Variants in DNAH11 observed in about 807,000 individuals in gnomAD.
DNAH11 encodes dynein axonemal heavy chain 11, also known as axonemal beta dynein heavy chain 11.
A neutral mutation model predicts 526.0 loss-of-function variants in DNAH11; 442 were observed. That is an observed-to-expected ratio of 0.84 (90% CI 0.78 to 0.91). The LOEUF is 0.91. Ranked by LOEUF, DNAH11 falls within the 40% of genes least tolerant of loss-of-function variation. DNAH11 has a pLI of 0.00. For missense variants in DNAH11, 6,989 were observed against 5,448.7 expected (o/e 1.28, Z -8.90); for synonymous variants, 2,461 against 1,935.9 (o/e 1.27, Z -7.12).
At chr7:21,760,240 C>T (rs1786840087) in intron 54 of DNAH11, among the ~76,000 whole-genome samples, 1 of 152,110 alleles carries the variant, frequency 6.6e-6, no homozygotes, top group African/African-American at 2.4e-5. Flanking sequence ...AGGTATGCTT[C>T]CAAGAAAGGA....
At chr7:21,749,648 C>T in intron 52 of DNAH11, 30 bp from the exon 53 acceptor site, 1 of 1,611,964 alleles carries the variant, frequency 6.2e-7, no homozygotes, top group South Asian at 1.1e-5. Context: ...AGCATTTTAA[C>T]AAAACATGAG....
chr7:21,722,803 C>T (rs933922863), intron 44 of DNAH11, among the ~76,000 whole-genome samples: 6 of 152,054 alleles, frequency 3.9e-5, no homozygotes, highest in African/African-American at 1.5e-4. Flanking sequence ...AGGCAACCCT[C>T]CTTCTCCACC....
intron 22 of DNAH11, among the ~76,000 whole-genome samples, chr7:21,617,298 C>G (rs1785824025): frequency 6.6e-6 from 1 of 152,150 alleles, no homozygotes; most frequent in Non-Finnish European, 1.5e-5. Context: ...TTTCCATTTA[C>G]TTATGTTTAT....
At chr7:21,690,024 T>C (rs1424171471) in intron 34 of DNAH11, among the ~76,000 whole-genome samples, 1 of 152,254 alleles carries the variant, frequency 6.6e-6, no homozygotes, top group Non-Finnish European at 1.5e-5. Context: ...CTCCAGTGCC[T>C]TTAAGTGACA....
chr7:21,635,972 C>A lies in DNAH11; in HGVS notation c.4602C>A (p.Phe1534Leu). The A allele has an allele frequency of 6.2e-7, 1 of 1,613,632 alleles. No individual in the cohort carries two copies. Among genetic ancestry groups the A allele is most frequent in the Non-Finnish European group, 8.5e-7 (1 of 1,179,732 alleles). ...TAAACATAGCAGACTTGGTCATCTTCACTTGGATGGAAGTCCAGCGAACTT... is the reference window on the plus strand; with the variant it reads ...TAAACATAGCAGACTTGGTCATCTTAACTTGGATGGAAGTCCAGCGAACTT... ...NKLNIADLVI[F>L]TWMEVQRTWS... Residue 1534 changes from phenylalanine (F) to leucine (L), a missense_variant, in exon 26 of 82, where the codon TTC becomes TTA. Transcript: ENST00000409508.
At chr7:21,623,690 T>A (rs1249312586) in intron 25 of DNAH11, among the ~76,000 whole-genome samples, 1 of 151,966 alleles carries the variant, frequency 6.6e-6, no homozygotes, top group East Asian at 1.9e-4. Context: ...TTGGAAATCA[T>A]CATTCTCAGT....
intron 2 of DNAH11, among the ~76,000 whole-genome samples, chr7:21,557,700 C>T (rs1783275149): frequency 6.6e-6 from 1 of 152,190 alleles, no homozygotes; most frequent in Non-Finnish European, 1.5e-5. Context: ...GTTCTTTCAT[C>T]TTAAAGATTC....
At chr7:21,568,385 A>G (rs1226821924) in intron 6 of DNAH11, among the ~76,000 whole-genome samples, 1 of 152,136 alleles carries the variant, frequency 6.6e-6, no homozygotes, top group African/African-American at 2.4e-5. Flanking sequence ...GGGATTTTGA[A>G]GTTCACCTAA....
chr7:21,783,111 C>A lies in DNAH11; in HGVS notation c.9484-1316C>A, dbSNP rs552598486. On this transcript the variant is annotated intron_variant, in intron 57 of 81. Transcript: ENST00000409508. ...AACCTGAGATGATAACTCCTTCACT[C>A]ACATAAACTCTTTTATCTGTAGCAG... 2.7e-4 allele frequency among the ~76,000 whole-genome samples: 41 copies of A among 152,220 alleles called. 1 individual carries two copies. In the South Asian group the frequency reaches 3.5e-3, roughly 13 times the overall value.
Position 21,601,612 on chromosome 7 carries a change from G to C in DNAH11, c.3642G>C (p.Gln1214His). Residue 1214 changes from glutamine to histidine, a missense_variant, in exon 18 of 82, where the codon CAG (glutamine) becomes CAC (histidine). Gln to His is a conservative substitution (Grantham distance 24). Coordinates refer to ENST00000409508, the MANE Select transcript of DNAH11 (RefSeq NM_001277115.2). ...GQKMPEQVYIQLEELPERWET... is the reference protein window; with the variant it reads ...GQKMPEQVYIHLEELPERWET... The stretch of plus-strand genomic sequence containing the variant: ...AGATGCCTGAGCAGGTCTATATTCA[G>C]CTAGAGGTAAGTGCAGAGGTGAAAT... 6.4e-7 allele frequency: 1 copy of C among 1,572,384 alleles called. No homozygotes were observed. The highest frequency in any genetic ancestry group is 1.8e-5 in the Admixed American group (1 of 54,812).
rs191586885 is a variant in DNAH11 at position 21,662,480 on chromosome 7, T to C, written c.5328+3449T>C. On this transcript the variant is annotated intron_variant, in intron 30 of 81. Coordinates refer to ENST00000409508, the MANE Select transcript of DNAH11 (RefSeq NM_001277115.2). Reference sequence around the variant, plus strand: ...CCCTAAATATTCCATTATTTAAAATTTTAAATTTTAATTGAAAGGTAAATA... The same window carrying C: ...CCCTAAATATTCCATTATTTAAAATCTTAAATTTTAATTGAAAGGTAAATA... 5.3e-3 allele frequency among the ~76,000 whole-genome samples: 805 copies of C among 152,224 alleles called. 2 individuals carry two copies. Among genetic ancestry groups the C allele is most frequent in the Non-Finnish European group, 9.5e-3 (649 of 67,998 alleles).
intron 28 of DNAH11, among the ~76,000 whole-genome samples, chr7:21,653,979 A>G (rs1781897859): frequency 6.6e-6 from 1 of 152,148 alleles, no homozygotes; most frequent in Non-Finnish European, 1.5e-5. Flanking sequence ...GTCCAGTTAA[A>G]CTGCACTTCC....
chr7:21,657,699 G>C (rs1317494581), intron 29 of DNAH11, among the ~76,000 whole-genome samples: 1 of 152,130 alleles, frequency 6.6e-6, no homozygotes, highest in Non-Finnish European at 1.5e-5. Flanking sequence ...GACCCCATTG[G>C]TTAGATCAGA....
At chr7:21,863,278 A>T (rs1207457474) in intron 69 of DNAH11, among the ~76,000 whole-genome samples, 1 of 152,226 alleles carries the variant, frequency 6.6e-6, no homozygotes, top group East Asian at 1.9e-4. Flanking sequence ...GCAGCTAATG[A>T]TGAACTGTGT....
chr7:21,617,713 T>C lies in DNAH11; in HGVS notation c.4190T>C (p.Ile1397Thr). 6.2e-7 allele frequency: 1 copy of C among 1,613,684 alleles called. No homozygotes were observed. The highest frequency in any genetic ancestry group is 8.5e-7 in the Non-Finnish European group (1 of 1,179,756). ...VKDMTASLRA[I>T]TELQSPALRD... ...GACATGACAGCCTCCCTGAGGGCCA[T>C]CACAGAGTTACAGAGCCCTGCCCTC... The change falls in exon 23 of 82, where the codon ATC (isoleucine) becomes ACC (threonine). Residue 1397 changes from isoleucine (I) to threonine (T), a missense_variant. Ile to Thr is a moderately conservative substitution (Grantham distance 89). Coordinates refer to ENST00000409508, the MANE Select transcript of DNAH11 (RefSeq NM_001277115.2).
intron 42 of DNAH11, 70 bp downstream of exon 42, chr7:21,711,930 T>G: frequency 6.5e-7 from 1 of 1,533,236 alleles, no homozygotes; most frequent in Non-Finnish European, 8.8e-7. Context: ...TCATAATTTT[T>G]GCTTAAGCAC....
intron 37 of DNAH11, 106 bp downstream of exon 37, chr7:21,702,908 A>C (rs1482003510): frequency 4.1e-6 from 4 of 981,168 alleles, no homozygotes; most frequent in Non-Finnish European, 6.1e-6. Flanking sequence ...ACTTTTAAAA[A>C]GCATAACATC....
At chr7:21,876,684 C>T (rs963092902) in intron 74 of DNAH11, among the ~76,000 whole-genome samples, 1 of 152,190 alleles carries the variant, frequency 6.6e-6, no homozygotes, top group Non-Finnish European at 1.5e-5. Context: ...TTTTCACGGT[C>T]CCAGGTGGCT....
chr7:21,764,679 G>A (rs566943734), intron 54 of DNAH11, among the ~76,000 whole-genome samples: 1 of 152,286 alleles, frequency 6.6e-6, no homozygotes, highest in Admixed American at 6.5e-5. Context: ...GAGTTTCTGT[G>A]ACCTACTGTC....
Sources: allele counts gnomAD v4.1 joint callset (sites outside exome capture counted in the v4.1 genomes callset), GRCh38; gene constraint gnomAD v4.1.1; transcripts MANE v1.5; gene names NCBI Gene and HGNC (gene_info 2026-07-23, HGNC 2026-07-21).